Variants in SGK1 observed in about 807,000 individuals in gnomAD.
SGK1 encodes serine/threonine-protein kinase Sgk1.
SGK1 carries 26 observed loss-of-function variants against 64.2 expected under a neutral mutation model. The observed-to-expected ratio is 0.40, with a 90% CI of 0.30 to 0.56. The LOEUF (loss-of-function observed/expected upper bound fraction) is 0.56, where lower values mean the gene tolerates loss of function less well. Ranked by LOEUF, SGK1 falls within the 20% of genes least tolerant of loss-of-function variation. The pLI, the probability that SGK1 is intolerant of heterozygous loss-of-function variation, is 0.38. For missense variants in SGK1, 519 were observed against 645.6 expected (o/e 0.80, Z 2.12); for synonymous variants, 265 against 239.7 (o/e 1.11, Z -0.98).
intron 3 of SGK1, among the ~76,000 whole-genome samples, chr6:134,197,891 TAAAATAAAATATAAAATAAA>T (rs1181790236): frequency 7.8e-5 from 11 of 140,890 alleles, no homozygotes; most frequent in East Asian, 2.0e-4. Flanking sequence ...TAAAATAAAA[TAAAATAAAATATAAAATAAA>T]ATAAAATAAA....
chr6:134,174,732 C>T (rs1204071335), intron 3 of SGK1, 146 bp from the exon 4 acceptor site: 1 of 1,614,120 alleles, frequency 6.2e-7, no homozygotes, highest in Non-Finnish European at 8.5e-7. Flanking sequence ...CTGCACTCAC[C>T]GATGAGAATT....
At chr6:134,302,735 A>C (rs1777476436) in intron 1 of SGK1, among the ~76,000 whole-genome samples, 1 of 151,836 alleles carries the variant, frequency 6.6e-6, no homozygotes. Flanking sequence ...CAGTTCTTTG[A>C]GGTATTATTG....
intron 3 of SGK1, among the ~76,000 whole-genome samples, chr6:134,206,364 TATATATATATATA>T (rs1562250310): frequency 5.1e-4 from 4 of 7,794 alleles, no homozygotes; most frequent in African/African-American, 1.4e-3. Flanking sequence ...TATATATATA[TATATATATATATA>T]TATATATTTT....
chr6:134,293,956 G>A (rs749021429), intron 1 of SGK1, among the ~76,000 whole-genome samples: 7 of 152,110 alleles, frequency 4.6e-5, no homozygotes, highest in African/African-American at 4.8e-5. Context: ...AAAGGCATTC[G>A]GTTTTTAGGA....
intron 3 of SGK1, among the ~76,000 whole-genome samples, chr6:134,203,228 G>T (rs1489511525): frequency 6.6e-6 from 1 of 152,166 alleles, no homozygotes; most frequent in African/African-American, 2.4e-5. Context: ...GGGCAACAGA[G>T]TGAGACTCTG....
At chr6:134,265,865 T>C (rs1194513635) in intron 1 of SGK1, among the ~76,000 whole-genome samples, 1 of 151,788 alleles carries the variant, frequency 6.6e-6, no homozygotes, top group Non-Finnish European at 1.5e-5. Context: ...TGGTTAGAAC[T>C]CCTGGGCTCA....
At chr6:134,178,088 C>G (rs1775276539) in intron 3 of SGK1, among the ~76,000 whole-genome samples, 1 of 152,186 alleles carries the variant, frequency 6.6e-6, no homozygotes. Flanking sequence ...GATTTATTTT[C>G]TCAGAGGCTC....
chr6:134,229,840 A>G lies in SGK1; in HGVS notation c.286-22409T>C, dbSNP rs560730323. 7.2e-5 allele frequency among the ~76,000 whole-genome samples: 11 copies of G among 152,338 alleles called. 2 individuals are homozygous for G. Among genetic ancestry groups the G allele is most frequent in the African/African-American group, 2.6e-4 (11 of 41,576 alleles). On this transcript the variant is annotated intron_variant, in intron 2 of 13. Transcript: ENST00000367858. ...AGGCCCCAGGGTCAGGAATGGAAAA[A>G]TCAGGTAAAAAGAAAAGAAAACATC...
At chr6:134,205,777 T>C (rs58674367) in intron 3 of SGK1, among the ~76,000 whole-genome samples, 7,923 of 152,284 alleles carry the variant, frequency 0.052, 682 homozygotes, top group African/African-American at 0.18. Flanking sequence ...CTGTGAATAC[T>C]CCTTGTAAAA....
intron 3 of SGK1, among the ~76,000 whole-genome samples, chr6:134,195,836 G>A (rs1208944781): frequency 6.6e-6 from 1 of 152,134 alleles, no homozygotes; most frequent in Non-Finnish European, 1.5e-5. Flanking sequence ...CAAATTATAA[G>A]CTTCATGGTT....
At chr6:134,311,319 C>G (rs1026547397) in intron 1 of SGK1, among the ~76,000 whole-genome samples, 2 of 152,122 alleles carry the variant, frequency 1.3e-5, no homozygotes, top group African/African-American at 4.8e-5. Flanking sequence ...GTAGGGGATA[C>G]AGTGAACAAG....
chr6:134,200,454 A>G (rs1775663183), intron 3 of SGK1, among the ~76,000 whole-genome samples: 1 of 152,246 alleles, frequency 6.6e-6, no homozygotes, highest in African/African-American at 2.4e-5. Flanking sequence ...CACTCACACA[A>G]AAAGAGTGAA....
chr6:134,200,123 A>G (rs1775658296), intron 3 of SGK1, among the ~76,000 whole-genome samples: 1 of 152,208 alleles, frequency 6.6e-6, no homozygotes, highest in Non-Finnish European at 1.5e-5. Flanking sequence ...TACAAAAACA[A>G]ACAACTCAGG....
At chr6:134,303,596 GA>G (rs751430846) in intron 1 of SGK1, among the ~76,000 whole-genome samples, 1 of 151,802 alleles carries the variant, frequency 6.6e-6, no homozygotes, top group Non-Finnish European at 1.5e-5. Context: ...GATACAGTTT[GA>G]AAAATTATTT....
chr6:134,192,712 G>A (rs1775535107), intron 3 of SGK1, among the ~76,000 whole-genome samples: 1 of 151,710 alleles, frequency 6.6e-6, no homozygotes, highest in Non-Finnish European at 1.5e-5. Context: ...TGGGATTACA[G>A]GCATGCACCA....
Position 134,170,340 on chromosome 6 carries a change from T to C in SGK1, c.1509A>G (p.Thr503=), listed in dbSNP as rs1318233994. 1.9e-6 allele frequency: 3 copies of C among 1,614,010 alleles called. No individual in the cohort carries two copies. The African/African-American group carries it at 4.0e-5, about 22-fold the overall frequency. The change falls in exon 14 of 14, where the codon ACA becomes ACG. Residue 503 remains threonine (T), a synonymous_variant. Coordinates refer to ENST00000367858, the MANE Select transcript of SGK1 (RefSeq NM_001143676.3). ...CCTCGGCAGCTTCCTTGACGCTGGC[T>C]GTGACGAGGACGCTGTCAGGGGACT... ...IGKSPDSVLV[T]ASVKEAAEAF...
At chr6:134,230,902 T>C (rs1776267522) in intron 2 of SGK1, among the ~76,000 whole-genome samples, 1 of 152,078 alleles carries the variant, frequency 6.6e-6, no homozygotes, top group Non-Finnish European at 1.5e-5. Context: ...TAATTCCAGC[T>C]ACTCGGGAGG....
chr6:134,234,814 T>G (rs1239915912), intron 2 of SGK1, among the ~76,000 whole-genome samples: 4 of 152,206 alleles, frequency 2.6e-5, no homozygotes. Context: ...AGGTGGAGGT[T>G]GCAGTGAGTT....
chr6:134,172,635 G>T, intron 9 of SGK1, 27 bp downstream of exon 9: 1 of 1,423,292 alleles, frequency 7.0e-7, no homozygotes, highest in African/African-American at 1.4e-5. Context: ...TACCAAAACT[G>T]GTAGCCTGAA....
Sources: allele counts gnomAD v4.1 joint callset (sites outside exome capture counted in the v4.1 genomes callset), GRCh38; gene constraint gnomAD v4.1.1; transcripts MANE v1.5; gene names NCBI Gene and HGNC (gene_info 2026-07-23, HGNC 2026-07-21).